SEMA3A: variants seen among roughly 807,000 people sequenced by gnomAD.
The protein encoded by SEMA3A is semaphorin 3A.
SEMA3A carries 29 observed loss-of-function variants against 97.9 expected under a neutral mutation model. That is an observed-to-expected ratio of 0.30 (90% CI 0.22 to 0.40). SEMA3A has a LOEUF of 0.40. SEMA3A is among the 10% of genes least tolerant of loss of function. The pLI, the probability that SEMA3A is intolerant of heterozygous loss-of-function variation, is 1.00. For synonymous variants in SEMA3A, 321 were observed against 323.7 expected, an observed-to-expected ratio of 0.99 and a Z score of 0.09; for missense variants, 763 against 951.3, an observed-to-expected ratio of 0.80 and a Z score of 2.60.
chr7:84,388,012 T>C (rs1199986442), intron 1 of SEMA3A, among the ~76,000 whole-genome samples: 2 of 103,722 alleles, frequency 1.9e-5, no homozygotes, highest in Non-Finnish European at 4.7e-5. Context: ...AACACAGATA[T>C]AGGATAGAAG....
At chr7:83,998,134 G>T (rs1438925864) in intron 12 of SEMA3A, among the ~76,000 whole-genome samples, 1 of 151,894 alleles carries the variant, frequency 6.6e-6, no homozygotes, top group Non-Finnish European at 1.5e-5. Flanking sequence ...AAATCTAATA[G>T]ATATTAAGTA....
chr7:84,195,332 T>C (rs1798196156), upstream of SEMA3A: 1 of 152,178 alleles, frequency 6.6e-6, no homozygotes, highest in South Asian at 2.1e-4. Flanking sequence ...GGGTGCAATT[T>C]TGATTTTAAA....
chr7:84,034,191 C>T (rs1049719372), intron 6 of SEMA3A, among the ~76,000 whole-genome samples: 7 of 151,990 alleles, frequency 4.6e-5, no homozygotes, highest in African/African-American at 1.7e-4. Flanking sequence ...ATCATGTTGG[C>T]TAGGCTGGTC....
At chr7:84,242,224 T>C (rs1799381166) in intron 3 of SEMA3A, among the ~76,000 whole-genome samples, 1 of 152,214 alleles carries the variant, frequency 6.6e-6, no homozygotes, top group African/African-American at 2.4e-5. Flanking sequence ...TTGGGCAGTA[T>C]GGCCATTTTC....
chr7:84,081,461 T>C (rs1197643065), intron 4 of SEMA3A, among the ~76,000 whole-genome samples: 2 of 151,766 alleles, frequency 1.3e-5, no homozygotes, highest in Non-Finnish European at 2.9e-5. Context: ...GGCGTGTTGG[T>C]GGGTGCTTAT....
intron 2 of SEMA3A, among the ~76,000 whole-genome samples, chr7:84,312,933 C>A (rs1180281761): frequency 1.6e-5 from 2 of 128,228 alleles, no homozygotes; most frequent in Admixed American, 1.6e-4. Flanking sequence ...CACACACACA[C>A]ACACACACAC....
intron 5 of SEMA3A, among the ~76,000 whole-genome samples, chr7:84,050,118 T>A (rs1237901109): frequency 1.6e-4 from 25 of 151,774 alleles, no homozygotes; most frequent in Non-Finnish European, 3.1e-4. Context: ...CTATCATTGT[T>A]GGACATTTGG....
At chr7:84,324,269 A>G (rs1801723171) in intron 2 of SEMA3A, among the ~76,000 whole-genome samples, 1 of 152,196 alleles carries the variant, frequency 6.6e-6, no homozygotes. Context: ...AGCAAACTCT[A>G]TAGGACCAGA....
intron 1 of SEMA3A, among the ~76,000 whole-genome samples, chr7:84,452,370 G>A (rs1032260066): frequency 6.6e-6 from 1 of 152,124 alleles, no homozygotes; most frequent in Admixed American, 6.6e-5. Context: ...GCAAGGCCAT[G>A]GGCACCTTAG....
At chr7:84,044,466 T>G (rs139852173) in intron 6 of SEMA3A, among the ~76,000 whole-genome samples, 2 of 152,132 alleles carry the variant, frequency 1.3e-5, no homozygotes, top group East Asian at 3.9e-4. Flanking sequence ...TCATTAGCAT[T>G]TTAAAGAATA....
intron 2 of SEMA3A, among the ~76,000 whole-genome samples, chr7:84,341,847 G>C (rs952849254): frequency 6.6e-6 from 1 of 152,088 alleles, no homozygotes; most frequent in African/African-American, 2.4e-5. Context: ...CACTATGACT[G>C]CTGACCACCT....
At chr7:84,134,721 A>T in intron 2 of SEMA3A, 73 bp downstream of exon 2, 1 of 1,174,558 alleles carries the variant, frequency 8.5e-7, no homozygotes, top group Non-Finnish European at 1.2e-6. Context: ...TCATGCTTTT[A>T]AATAGCTAGA....
chr7:84,175,286 A>G (rs981832658), intron 1 of SEMA3A, among the ~76,000 whole-genome samples: 7 of 152,234 alleles, frequency 4.6e-5, no homozygotes, highest in Non-Finnish European at 1.0e-4. Context: ...GCCAATAATG[A>G]ATATCCATTA....
chr7:84,112,360 T>C (rs1171238312), intron 3 of SEMA3A, among the ~76,000 whole-genome samples: 3 of 152,184 alleles, frequency 2.0e-5, no homozygotes, highest in African/African-American at 4.8e-5. Context: ...CAGACCCAGA[T>C]GGATGTCTTT....
upstream of SEMA3A, among the ~76,000 whole-genome samples, chr7:84,197,782 C>A (rs1798268104): frequency 7.0e-6 from 1 of 143,618 alleles, no homozygotes; most frequent in Non-Finnish European, 1.5e-5. Flanking sequence ...CTCCGTCCCC[C>A]AGGCTGGAGT....
intron 3 of SEMA3A, among the ~76,000 whole-genome samples, chr7:84,254,160 CTT>C (rs1799666749): frequency 6.6e-6 from 1 of 152,064 alleles, no homozygotes; most frequent in African/African-American, 2.4e-5. Context: ...TCATCTCAGT[CTT>C]TTATTCTAAA....
At chr7:84,366,481 C>T (rs918481197) in intron 2 of SEMA3A, among the ~76,000 whole-genome samples, 6 of 149,946 alleles carry the variant, frequency 4.0e-5, no homozygotes, top group African/African-American at 1.5e-4. Flanking sequence ...CAGTAAATTA[C>T]TCCTTTTTAT....
intron 4 of SEMA3A, among the ~76,000 whole-genome samples, chr7:84,109,085 G>A (rs1795205858): frequency 6.6e-6 from 1 of 151,916 alleles, no homozygotes; most frequent in Non-Finnish European, 1.5e-5. Context: ...AATCACCTTG[G>A]GCCCAAGTTT....
At chr7:84,096,422 A>C (rs185282773) in intron 4 of SEMA3A, among the ~76,000 whole-genome samples, 43 of 152,174 alleles carry the variant, frequency 2.8e-4, no homozygotes, top group African/African-American at 1.0e-3. Flanking sequence ...TGTTTTTCTC[A>C]AAGTAAAATA....
Sources: allele counts gnomAD v4.1 joint callset (sites outside exome capture counted in the v4.1 genomes callset), GRCh38; gene constraint gnomAD v4.1.1; transcripts MANE v1.5; gene names NCBI Gene and HGNC (gene_info 2026-07-23, HGNC 2026-07-21).